The following OCA2 variants were observed in gnomAD, a reference collection of about 807,000 sequenced individuals.
The protein encoded by OCA2 is P protein.
A neutral mutation model predicts 100.2 loss-of-function variants in OCA2; 77 were observed. That is an observed-to-expected ratio of 0.77 (90% CI 0.64 to 0.93). OCA2 has a LOEUF of 0.93. Among genes scored for constraint, OCA2 ranks in the 40% least tolerant of loss-of-function variants. OCA2 has a pLI of 0.00. For synonymous variants in OCA2, 432 were observed against 439.2 expected (o/e 0.98, Z 0.21); for missense variants, 1,062 against 1,089.1 (o/e 0.98, Z 0.35).
At chr15:28,096,146 G>C (rs949887229) in intron 1 of OCA2, among the ~76,000 whole-genome samples, 5 of 150,824 alleles carry the variant, frequency 3.3e-5, no homozygotes, top group South Asian at 2.1e-4. Flanking sequence ...TCGTGTCTCC[G>C]GGAGGTGGCT....
rs1176675367 is a variant in OCA2, at chr15:28,090,848, C to G, written c.-22+8376G>C. On this transcript the variant is annotated intron_variant, in intron 1 of 23. Transcript: ENST00000354638. ...AAATAATGAAGCTGAGATTAAAAAT[C>G]AGTGAAATAGAAAACAAATCAACAA... Among the ~76,000 whole-genome samples, 3 of 152,024 alleles carry G rather than the reference C, an allele frequency of 2.0e-5. No homozygotes were observed. In the East Asian group the frequency reaches 5.8e-4, roughly 29 times the overall value.
intron 9 of OCA2, among the ~76,000 whole-genome samples, chr15:28,002,602 G>A (rs764682274): frequency 6.6e-6 from 1 of 152,224 alleles, no homozygotes; most frequent in East Asian, 1.9e-4. Flanking sequence ...GCTGCCGATC[G>A]GTCCAGGAGA....
At chr15:27,933,830 T>C (rs2039350864) in intron 18 of OCA2, among the ~76,000 whole-genome samples, 1 of 152,214 alleles carries the variant, frequency 6.6e-6, no homozygotes, top group Non-Finnish European at 1.5e-5. Context: ...ACTTCTTTTG[T>C]ACTTTTCAGT....
intron 23 of OCA2, among the ~76,000 whole-genome samples, chr15:27,810,657 GA>G (rs2151216600): frequency 6.6e-6 from 1 of 151,986 alleles, no homozygotes; most frequent in South Asian, 2.1e-4. Flanking sequence ...AATCCATAGG[GA>G]AAAAACAAAT....
Position 28,018,517 on chromosome 15 carries a change from C to T in OCA2, c.687G>A (p.Gln229=), listed in dbSNP as rs1364449246. ...LSSHVDSTLL[Q]VDLAGALVAS... The stretch of plus-strand genomic sequence containing the variant: ...CCACTAGGGCCCCTGCCAGGTCCAC[C>T]TGCAGCAGCGTGGAGTCCACGTGGC... The change falls in exon 7 of 24, where the codon CAG becomes CAA. Residue 229 remains glutamine (Q), a synonymous_variant. Coordinates refer to ENST00000354638, the MANE Select transcript of OCA2 (RefSeq NM_000275.3). The T allele has an allele frequency of 5.6e-6, 9 of 1,613,626 alleles. No individual in the cohort carries two copies. Among genetic ancestry groups the T allele is most frequent in the Non-Finnish European group, 7.6e-6 (9 of 1,179,938 alleles).
At chr15:27,821,951 CT>C (rs1339661024) in intron 23 of OCA2, among the ~76,000 whole-genome samples, 2 of 152,224 alleles carry the variant, frequency 1.3e-5, no homozygotes, top group Non-Finnish European at 2.9e-5. Flanking sequence ...ACTTAACTCT[CT>C]GTTATAGCAT....
intron 22 of OCA2, among the ~76,000 whole-genome samples, chr15:27,848,879 C>T (rs1392926815): frequency 6.6e-6 from 1 of 152,242 alleles, no homozygotes; most frequent in Non-Finnish European, 1.5e-5. Flanking sequence ...AACACAGCCA[C>T]GTGTGGCCTG....
At chr15:27,770,297 C>A (rs991961364) in intron 23 of OCA2, among the ~76,000 whole-genome samples, 2 of 152,084 alleles carry the variant, frequency 1.3e-5, no homozygotes, top group African/African-American at 4.8e-5. Flanking sequence ...AGACACTGCG[C>A]GGACCCCAAG....
At chr15:27,999,459 T>C (rs981693808) in intron 9 of OCA2, among the ~76,000 whole-genome samples, 2 of 152,164 alleles carry the variant, frequency 1.3e-5, no homozygotes, top group African/African-American at 4.8e-5. Context: ...ATAGAATAAA[T>C]GTACCACAAC....
At chr15:27,974,532 C>T (rs938241361) in intron 14 of OCA2, among the ~76,000 whole-genome samples, 10 of 152,078 alleles carry the variant, frequency 6.6e-5, no homozygotes, top group African/African-American at 9.7e-5. Context: ...TTTGGGAGGC[C>T]GAGGCAGATG....
chr15:27,778,754 T>C (rs982162387), intron 23 of OCA2, among the ~76,000 whole-genome samples: 3 of 152,186 alleles, frequency 2.0e-5, no homozygotes, highest in Non-Finnish European at 4.4e-5. Flanking sequence ...GCTGAGAGAA[T>C]CTGCTCTTGC....
intron 2 of OCA2, among the ~76,000 whole-genome samples, chr15:28,075,870 A>AGAAAAC (rs1379147891): frequency 1.3e-5 from 2 of 152,252 alleles, no homozygotes; most frequent in Non-Finnish European, 2.9e-5. Context: ...GATGGTTAAC[A>AGAAAAC]AGTGCTGACG....
chr15:27,938,246 T>C (rs2039525806), intron 18 of OCA2, among the ~76,000 whole-genome samples: 1 of 152,146 alleles, frequency 6.6e-6, no homozygotes, highest in African/African-American at 2.4e-5. Context: ...GGGAAGTGCA[T>C]GTAGCTGTGC....
At chr15:27,721,341 C>G in the OCA2 span, among the ~76,000 whole-genome samples, 1 of 152,110 alleles carries the variant, frequency 6.6e-6, no homozygotes, top group Admixed American at 6.6e-5. Flanking sequence ...GCATTTCAAC[C>G]TGGGTGACAG....
chr15:27,770,928 TTCC>T (rs200970457), intron 23 of OCA2, among the ~76,000 whole-genome samples: 417 of 31,684 alleles, frequency 0.013, 1 homozygote, highest in Middle Eastern at 0.026. Context: ...CCTCCCTCTT[TTCC>T]TTTCTTCCTT....
rs541520261 is a variant in OCA2 at position 27,984,416 on chromosome 15, C to T, written c.1364+648G>A. Among the ~76,000 whole-genome samples the T allele has an allele frequency of 1.1e-3, 175 of 152,310 alleles. 2 individuals are homozygous for T. Among genetic ancestry groups the T allele is most frequent in the Admixed American group, 3.3e-3 (51 of 15,296 alleles). ...AGCATCCCCTACACCTGCTCATCCA[C>T]ACAGCCCACTCCCACACAGGACCCG... is the stretch of plus-strand genomic sequence containing the variant. On this transcript the variant is annotated intron_variant, in intron 13 of 23. Coordinates refer to ENST00000354638, the MANE Select transcript of OCA2 (RefSeq NM_000275.3).
At chr15:27,939,984 G>A (rs965889835) in intron 18 of OCA2, among the ~76,000 whole-genome samples, 1 of 152,142 alleles carries the variant, frequency 6.6e-6, no homozygotes, top group African/African-American at 2.4e-5. Context: ...CATGTGGATG[G>A]AGCCTGGAGA....
At chr15:28,076,943 A>G (rs2044449625) in intron 2 of OCA2, among the ~76,000 whole-genome samples, 1 of 151,904 alleles carries the variant, frequency 6.6e-6, no homozygotes, top group Non-Finnish European at 1.5e-5. Flanking sequence ...CTTACATACT[A>G]TTTTGAGATA....
chr15:27,790,137 C>G (rs1368212367), intron 23 of OCA2, among the ~76,000 whole-genome samples: 1 of 150,056 alleles, frequency 6.7e-6, no homozygotes, highest in African/African-American at 2.5e-5. Flanking sequence ...ACAGACAGTT[C>G]ACCAAAGAAC....
Sources: allele counts gnomAD v4.1 joint callset (sites outside exome capture counted in the v4.1 genomes callset), GRCh38; gene constraint gnomAD v4.1.1; transcripts MANE v1.5; gene names NCBI Gene and HGNC (gene_info 2026-07-23, HGNC 2026-07-21).